The following CREBRF variants were observed in gnomAD, a reference collection of about 807,000 sequenced individuals.
CREBRF encodes UPF0474 protein C5orf41.
Under a neutral mutation model 66.1 loss-of-function variants are expected in CREBRF, and 5 were observed. The ratio of observed to expected loss-of-function variants is 0.08; its 90% CI spans 0.04 to 0.16. The LOEUF is 0.16. Among genes scored for constraint, CREBRF ranks in the 10% least tolerant of loss-of-function variants. The probability of loss-of-function intolerance (pLI) is 1.00; values close to 1 mark genes in which losing one functional copy is unlikely to be tolerated. For synonymous variants in CREBRF, 229 were observed against 264.4 expected (o/e 0.87, Z 1.30); for missense variants, 531 against 744.9 (o/e 0.71, Z 3.34).
At chr5:173,059,973 G>A (rs1027357044) in intron 1 of CREBRF, among the ~76,000 whole-genome samples, 2 of 151,938 alleles carry the variant, frequency 1.3e-5, no homozygotes, top group African/African-American at 4.8e-5. Flanking sequence ...AGTTTACAGG[G>A]TGTCTACTTA....
At chr5:173,102,001 C>T (rs751654456) in intron 4 of CREBRF, among the ~76,000 whole-genome samples, 6 of 151,970 alleles carry the variant, frequency 3.9e-5, no homozygotes, top group Non-Finnish European at 7.4e-5. Flanking sequence ...TTTTGTTCCT[C>T]TAACTGGATA....
chr5:173,059,992 G>A (rs1406216257), intron 1 of CREBRF, among the ~76,000 whole-genome samples: 1 of 152,080 alleles, frequency 6.6e-6, no homozygotes, highest in African/African-American at 2.4e-5. Context: ...TAGTTTACAG[G>A]GTGGATGTGT....
Position 173,136,490 on chromosome 5 carries a change from T to TA in CREBRF, c.*2750dup, listed in dbSNP as rs1759589808. The TA allele has an allele frequency of 6.6e-6, 1 of 152,516 alleles. No homozygotes were observed. Among genetic ancestry groups the TA allele is most frequent in the African/African-American group, 2.4e-5 (1 of 41,450 alleles). The allele number at this position is 152,516 out of a possible 1,614,324, so 9.4% of individuals were successfully genotyped here. ...ATGCTGCAGCGATACTTGATCTATA[T>TA]AAAAACCTGGCAGTAAAATGTAGAG... On this transcript the variant is annotated 3_prime_UTR_variant, in exon 9 of 9. Transcript: ENST00000296953.
Position 173,090,763 on chromosome 5 carries a change from T to G in CREBRF, c.584T>G (p.Val195Gly). The stretch of plus-strand genomic sequence containing the variant: ...TCTTCTAAGACTCTGCAGGCTGAGG[T>G]CCCTTTGTCAGACTGTGTCCAAAAA... ...VCSSKTLQAE[V>G]PLSDCVQKAS... Residue 195 changes from valine (V) to glycine (G), a missense_variant, in exon 4 of 9, where the codon GTC (valine) becomes GGC (glycine). Transcript: ENST00000296953. This position sits in a 1 kb window ranked among gnomAD's most constrained non-coding sequence, Gnocchi z 4.5. The G allele has an allele frequency of 6.2e-7, 1 of 1,614,130 alleles. No homozygotes were observed. Among genetic ancestry groups the G allele is most frequent in the Non-Finnish European group, 8.5e-7 (1 of 1,180,022 alleles).
intron 1 of CREBRF, among the ~76,000 whole-genome samples, chr5:173,076,202 C>T (rs1365171786): frequency 2.0e-5 from 3 of 152,142 alleles, no homozygotes; most frequent in South Asian, 2.1e-4. Context: ...GATGAGAGCA[C>T]GTGAGACAGA....
At chr5:173,085,234 C>T (rs756382470) in intron 2 of CREBRF, 13 of 420,894 alleles carry the variant, frequency 3.1e-5, no homozygotes, top group African/African-American at 4.2e-5. Context: ...TGAGTCACTG[C>T]CCCCAGCCTG....
Position 173,137,163 on chromosome 5 carries a change from CCT to C in CREBRF, c.*3419_*3420del, listed in dbSNP as rs1404774465. ...GTATGATTCTTGTCCTTTCCTATAT[CCT>C]TCATGACAGATTATGATGTGGCTTT... On this transcript the variant is annotated 3_prime_UTR_variant, in exon 9 of 9. Transcript: ENST00000296953. 6.6e-6 allele frequency: 1 copy of C among 151,980 alleles called. No homozygotes were observed. Among genetic ancestry groups the C allele is most frequent in the Non-Finnish European group, 1.5e-5 (1 of 67,920 alleles). 9.4% of individuals were successfully genotyped at this position (151,980 alleles called of 1,614,324 possible). A position where few individuals can be genotyped will look rare whatever the true frequency, so the allele number is the denominator to read the frequency against.
At chr5:173,061,270 C>T (rs560510810) in intron 1 of CREBRF, among the ~76,000 whole-genome samples, 1 of 152,316 alleles carries the variant, frequency 6.6e-6, no homozygotes, top group East Asian at 1.9e-4. Context: ...CTGGCCCAGT[C>T]ACTGAGTTTT....
At chr5:173,110,431 T>C (rs755576035) in intron 5 of CREBRF, 91 bp from the exon 6 acceptor site, 10 of 860,422 alleles carry the variant, frequency 1.2e-5, no homozygotes, top group South Asian at 6.7e-5. Context: ...GAAAAGGTAG[T>C]GGTGGGAAGT....
At chr5:173,107,813 C>CA (rs1366605155) in intron 4 of CREBRF, among the ~76,000 whole-genome samples, 56 of 137,832 alleles carry the variant, frequency 4.1e-4, no homozygotes, top group South Asian at 9.6e-4. Context: ...TCTGTCTCTA[C>CA]AAAATTTTTT....
intron 4 of CREBRF, among the ~76,000 whole-genome samples, chr5:173,097,041 CAG>C (rs1390353871): frequency 6.6e-6 from 1 of 152,068 alleles, no homozygotes; most frequent in Non-Finnish European, 1.5e-5. Flanking sequence ...CCATGTCCAT[CAG>C]GGGTACTGGC....
At chr5:173,096,854 T>G (rs1321571156) in intron 4 of CREBRF, among the ~76,000 whole-genome samples, 1 of 152,202 alleles carries the variant, frequency 6.6e-6, no homozygotes, top group African/African-American at 2.4e-5. Flanking sequence ...CCATATCTAT[T>G]GAGACGATTA....
intron 4 of CREBRF, among the ~76,000 whole-genome samples, chr5:173,093,786 G>C (rs1455754708): frequency 6.6e-6 from 1 of 152,208 alleles, no homozygotes; most frequent in East Asian, 1.9e-4. Flanking sequence ...CAAAGTGCTG[G>C]AATTACAGGC....
At chr5:173,101,832 A>C (rs530192096) in intron 4 of CREBRF, among the ~76,000 whole-genome samples, 1 of 152,294 alleles carries the variant, frequency 6.6e-6, no homozygotes, top group African/African-American at 2.4e-5. Flanking sequence ...TACAGGTGTG[A>C]GCCACCGCGC....
At chr5:173,086,080 T>C in intron 2 of CREBRF, 1 of 840,646 alleles carries the variant, frequency 1.2e-6, no homozygotes, top group Non-Finnish European at 2.1e-6. Context: ...CTACCAATCA[T>C]AACTGTGACT....
Position 173,090,698 on chromosome 5 carries a change from T to A in CREBRF, c.519T>A (p.Pro173=). 1 of 1,614,152 alleles carries A rather than the reference T, an allele frequency of 6.2e-7. No homozygotes were observed. Among genetic ancestry groups the A allele is most frequent in the Non-Finnish European group, 8.5e-7 (1 of 1,180,020 alleles). ...AAAATCCCTTACCCTCTTCATTCCCTGGTAAAAAGATCACAAGCAGAGCAG... is the reference window on the plus strand; with the variant it reads ...AAAATCCCTTACCCTCTTCATTCCCAGGTAAAAAGATCACAAGCAGAGCAG... ...VKQNPLPSSF[P]GKKITSRAAA... The change falls in exon 4 of 9, where the codon CCT becomes CCA. Residue 173 remains proline, a synonymous_variant. Coordinates refer to ENST00000296953, the MANE Select transcript of CREBRF (RefSeq NM_153607.3). This position sits in a 1 kb window ranked among gnomAD's most constrained non-coding sequence, Gnocchi z 4.5.
rs972150446 is a variant in CREBRF at position 173,112,498 on chromosome 5, ATTTG to A, written c.1681+123_1681+126del. 9 of 636,342 alleles carry A rather than the reference ATTTG, an allele frequency of 1.4e-5. No individual in the cohort carries two copies. The Admixed American group carries it at 1.9e-4, about 13-fold the overall frequency. The allele number at this position is 636,342 out of a possible 1,614,324, so 39.4% of individuals were successfully genotyped here. ...CTGCCTAGTTTTTGGCTAGCCTCCT[ATTTG>A]TTTATCTGTTCAGTAAGCCACATGC... On this transcript the variant is annotated intron_variant, in intron 7 of 8. Coordinates refer to ENST00000296953, the MANE Select transcript of CREBRF (RefSeq NM_153607.3).
At chr5:173,061,966 A>T (rs1757284754) in intron 1 of CREBRF, among the ~76,000 whole-genome samples, 1 of 152,196 alleles carries the variant, frequency 6.6e-6, no homozygotes, top group South Asian at 2.1e-4. Flanking sequence ...AAGAGAATAT[A>T]TTGACCTTTA....
At chr5:173,124,922 T>C (rs1189285719) in intron 8 of CREBRF, among the ~76,000 whole-genome samples, 27 of 125,108 alleles carry the variant, frequency 2.2e-4, no homozygotes, top group African/African-American at 4.0e-4. Context: ...TCTTCTTCTT[T>C]TTTTTTTTTT....
Sources: allele counts gnomAD v4.1 joint callset (sites outside exome capture counted in the v4.1 genomes callset), GRCh38; gene constraint gnomAD v4.1.1; non-coding constraint Gnocchi (gnomAD v3.1); transcripts MANE v1.5; gene names NCBI Gene and HGNC (gene_info 2026-07-23, HGNC 2026-07-21).